ADCY3: variants seen among roughly 807,000 people sequenced by gnomAD.
The protein encoded by ADCY3 is adenylate cyclase type 3.
A neutral mutation model predicts 119.4 loss-of-function variants in ADCY3; 70 were observed. The ratio of observed to expected loss-of-function variants is 0.59; its 90% confidence interval spans 0.48 to 0.72. The LOEUF is 0.72. Ranked by LOEUF, ADCY3 falls within the 30% of genes least tolerant of loss-of-function variation. The probability of loss-of-function intolerance (pLI) is 0.00; values close to 1 mark genes in which losing one functional copy is unlikely to be tolerated. For synonymous variants in ADCY3, 672 were observed against 621.4 expected (o/e 1.08, Z -1.21); for missense variants, 1,238 against 1,541.6 (o/e 0.80, Z 3.30).
intron 2 of ADCY3, among the ~76,000 whole-genome samples, chr2:24,886,897 TGGGCCTGGCTGGCACAAA>T (rs1268976031): frequency 2.0e-5 from 3 of 152,184 alleles, no homozygotes; most frequent in Non-Finnish European, 4.4e-5. Flanking sequence ...AGGCAGATGC[TGGGCCTGGCTGGCACAAA>T]GGGGTGCAAA....
Position 24,822,488 on chromosome 2 carries a change from C to T in ADCY3, c.3003+23G>A, listed in dbSNP as rs765412411. On this transcript the variant is annotated intron_variant, in intron 19 of 21. Coordinates refer to ENST00000679454, the MANE Select transcript of ADCY3 (RefSeq NM_004036.5). ...TTGCCTTGGGGGCAGAGCCTCATCT[C>T]TCTGGCTACTGGGGTTAGCTACCTT... 6.8e-6 allele frequency: 11 copies of T among 1,610,672 alleles called. No homozygotes were observed. In the East Asian group the frequency reaches 2.5e-4, roughly 36 times the overall value.
At chr2:24,840,119 G>A in intron 6 of ADCY3, 88 bp from the exon 7 acceptor site, 3 of 1,511,988 alleles carry the variant, frequency 2.0e-6, no homozygotes, top group African/African-American at 1.4e-5. Context: ...AATTCATTGT[G>A]GGCCTCTTCC....
rs576468651 is a variant in ADCY3, at chr2:24,872,485, G to T, written c.825+85C>A. Reference sequence around the variant, plus strand: ...GAACGCCAAGCCCCACGGAGCCAGGGGCTGCCGCTCTGGTTCCTCTCCCTC... The same window carrying T: ...GAACGCCAAGCCCCACGGAGCCAGGTGCTGCCGCTCTGGTTCCTCTCCCTC... On this transcript the variant is annotated intron_variant, in intron 3 of 21. Transcript: ENST00000679454. The surrounding 1 kb of genome is among the most constrained non-coding windows in gnomAD (Gnocchi z 4.4). The T allele has an allele frequency of 4.6e-5, 70 of 1,516,426 alleles. No homozygotes were observed. The African/African-American group carries it at 8.7e-4, about 19-fold the overall frequency. The allele number at this position is 1,516,426 out of a possible 1,614,324, so 93.9% of individuals were successfully genotyped here. A position where few individuals can be genotyped will look rare whatever the true frequency, so the allele number is the denominator to read the frequency against.
At chr2:24,902,034 CTG>C (rs57980321) in intron 2 of ADCY3, among the ~76,000 whole-genome samples, 14,626 of 122,074 alleles carry the variant, frequency 0.12, 881 homozygotes, top group African/African-American at 0.18. Context: ...CATTTTAACT[CTG>C]TGTGTGTGTG....
At position 24,918,431 on chromosome 2, in the gene ADCY3, C is replaced by T. The variant is rs568519847; in HGVS notation, c.557G>A (p.Ser186Asn). ...VFSFFITLPL[S>N]LSPIVIISVV... The stretch of plus-strand genomic sequence containing the variant: ...GGAGATGATCACGATGGGGCTGAGG[C>T]TGAGGGGCAGCGTGATGAAGAAGGA... Residue 186 changes from serine to asparagine, a missense_variant, in exon 2 of 22, where the codon AGC becomes AAC. Ser to Asn is a conservative substitution (Grantham distance 46, BLOSUM62 1). Transcript: ENST00000679454. This position sits in a 1 kb window ranked among gnomAD's most constrained non-coding sequence, Gnocchi z 5.4. The T allele has an allele frequency of 1.2e-4, 199 of 1,613,926 alleles. 5 individuals carry two copies. In the South Asian group the frequency reaches 1.8e-3, roughly 15 times the overall value.
intron 2 of ADCY3, among the ~76,000 whole-genome samples, chr2:24,894,623 T>G (rs151137830): frequency 9.5e-4 from 144 of 152,286 alleles, no homozygotes; most frequent in Middle Eastern, 3.4e-3. Context: ...ATATTTTTGC[T>G]TTAAGCAGTT....
intron 2 of ADCY3, among the ~76,000 whole-genome samples, chr2:24,896,429 T>C (rs1678290014): frequency 1.3e-5 from 2 of 152,166 alleles, no homozygotes; most frequent in African/African-American, 4.8e-5. Context: ...GATAATTCCA[T>C]CACATCTTTG....
intron 3 of ADCY3, among the ~76,000 whole-genome samples, chr2:24,858,306 CTAAG>C (rs1031487370): frequency 9.9e-5 from 15 of 152,268 alleles, no homozygotes; most frequent in African/African-American, 3.6e-4. Context: ...TTTCCATTTT[CTAAG>C]TGAGTCAAAA....
chr2:24,820,931 T>C (rs575048359), intron 20 of ADCY3, 83 bp from the exon 21 acceptor site: 1 of 1,551,756 alleles, frequency 6.4e-7, no homozygotes, highest in South Asian at 1.2e-5. Flanking sequence ...TCCAGACCTG[T>C]ACCACAAAGC....
chr2:24,912,403 T>C (rs1663828267), intron 2 of ADCY3, among the ~76,000 whole-genome samples: 1 of 152,158 alleles, frequency 6.6e-6, no homozygotes, highest in Non-Finnish European at 1.5e-5. Flanking sequence ...TGTTGGAATA[T>C]TTACCCAGCA....
intron 3 of ADCY3, among the ~76,000 whole-genome samples, chr2:24,867,918 A>G (rs1674498521): frequency 6.6e-6 from 1 of 152,204 alleles, no homozygotes; most frequent in Admixed American, 6.5e-5. Context: ...AAATGAAGTT[A>G]AAAGGTTGTG....
intron 3 of ADCY3, among the ~76,000 whole-genome samples, chr2:24,851,371 A>C (rs1178113977): frequency 1.3e-5 from 2 of 152,234 alleles, no homozygotes; most frequent in African/African-American, 4.8e-5. Flanking sequence ...ACCAGGTGAC[A>C]GACACCATCC....
chr2:24,856,524 A>AG (rs1484749144), intron 3 of ADCY3, among the ~76,000 whole-genome samples: 1 of 152,148 alleles, frequency 6.6e-6, no homozygotes, highest in Non-Finnish European at 1.5e-5. Context: ...ACCTAAGCAG[A>AG]GGGGGCTGTG....
Position 24,826,063 on chromosome 2 carries a change from G to A in ADCY3, c.2559C>T (p.Phe853=). The part of the protein sequence containing the change: ...TVMVFLMMLS[F]YYFSRHVEKL... ...CACTCACGTGGCGGGAGAAGTAGTA[G>A]AAGCTGAGCATCATGAGGAACACCA... The change falls in exon 16 of 22, where the codon TTC becomes TTT. Residue 853 remains phenylalanine (F), a synonymous_variant. Transcript: ENST00000679454. 1 of 1,614,130 alleles carries A rather than the reference G, an allele frequency of 6.2e-7. No individual in the cohort carries two copies. The highest frequency in any genetic ancestry group is 8.5e-7 in the Non-Finnish European group (1 of 1,180,014).
In ADCY3 at chr2:24,827,873, T is replaced by C. The variant is rs1668846776; in HGVS notation, c.2432+29A>G. The C allele has an allele frequency of 1.9e-6, 3 of 1,612,842 alleles. No individual in the cohort carries two copies. In the African/African-American group the frequency reaches 4.0e-5, roughly 21 times the overall value. On this transcript the variant is annotated intron_variant, in intron 14 of 21. Transcript: ENST00000679454. ...TTTGCGGGCGGGAGGAAGGAGACAATACAGATCCCCAGTCACGCTTCATCT... is the reference window on the plus strand; with the variant it reads ...TTTGCGGGCGGGAGGAAGGAGACAACACAGATCCCCAGTCACGCTTCATCT...
chr2:24,821,348 A>G (rs1363647186), intron 20 of ADCY3, 169 bp downstream of exon 20: 2 of 964,554 alleles, frequency 2.1e-6, no homozygotes, highest in South Asian at 1.6e-5. Flanking sequence ...TTAGTCATCT[A>G]GAGTCGTCTG....
chr2:24,853,345 C>T (rs1460410875), intron 3 of ADCY3, among the ~76,000 whole-genome samples: 2 of 152,200 alleles, frequency 1.3e-5, no homozygotes, highest in African/African-American at 4.8e-5. Context: ...AACAGGGCAG[C>T]GCCCAGGGGG....
chr2:24,847,745 T>C (rs1300521386), intron 3 of ADCY3, among the ~76,000 whole-genome samples: 2 of 152,152 alleles, frequency 1.3e-5, no homozygotes, highest in Non-Finnish European at 2.9e-5. Context: ...AAGATGAGCC[T>C]CTAGGAAGGT....
intron 16 of ADCY3, 81 bp from the exon 17 acceptor site, chr2:24,824,617 G>A (rs112206427): frequency 8.0e-6 from 12 of 1,507,236 alleles, no homozygotes; most frequent in Middle Eastern, 1.8e-4. Context: ...GGCCAGGCGT[G>A]GCGGTTCATG....
Sources: gnomAD v4.1 joint callset for allele counts (sites outside exome capture counted in the v4.1 genomes callset) on GRCh38, gnomAD v4.1.1 for gene constraint, Gnocchi (gnomAD v3.1) non-coding constraint, MANE v1.5 for transcripts, NCBI Gene and HGNC (gene_info 2026-07-23, HGNC 2026-07-21) for gene names.